The following ANK3 variants were observed in gnomAD, a reference collection of about 807,000 sequenced individuals.
ANK3 encodes the protein ankyrin-3.
A neutral mutation model predicts 370.9 loss-of-function variants in ANK3; 57 were observed. The ratio of observed to expected loss-of-function variants is 0.15; its 90% CI spans 0.12 to 0.19. The LOEUF (loss-of-function observed/expected upper bound fraction) is 0.19. Ranked by LOEUF, ANK3 falls within the 10% of genes least tolerant of loss-of-function variation. The probability of loss-of-function intolerance (pLI) is 1.00; values close to 1 mark genes in which losing one functional copy is unlikely to be tolerated. For missense variants in ANK3, 4,439 were observed against 5,302.1 expected (o/e 0.84, Z 5.06); for synonymous variants, 1,929 against 1,946.3 (o/e 0.99, Z 0.23).
chr10:60,506,008 T>A (rs2075930236), intron 2 of ANK3, among the ~76,000 whole-genome samples: 1 of 152,034 alleles, frequency 6.6e-6, no homozygotes, highest in Admixed American at 6.6e-5. Flanking sequence ...CTCCACCCAA[T>A]TAAGTATTCA....
At chr10:60,033,870 AAAC>A (rs759614831) in intron 43 of ANK3, among the ~76,000 whole-genome samples, 8 of 152,280 alleles carry the variant, frequency 5.3e-5, no homozygotes, top group East Asian at 1.9e-4. Context: ...GGGAAGATTA[AAAC>A]AACAACAATA....
At chr10:60,460,237 G>A (rs1178672846) in intron 2 of ANK3, among the ~76,000 whole-genome samples, 1 of 152,096 alleles carries the variant, frequency 6.6e-6, no homozygotes, top group Non-Finnish European at 1.5e-5. Context: ...TTGCCGTCAG[G>A]AGCAAACCCT....
intron 1 of ANK3, among the ~76,000 whole-genome samples, chr10:60,315,896 G>C (rs1039751752): frequency 6.6e-6 from 1 of 152,124 alleles, no homozygotes; most frequent in African/African-American, 2.4e-5. Context: ...GAGCGATAAG[G>C]TGATAATTCA....
At chr10:60,515,081 A>G (rs2076184981) in intron 2 of ANK3, among the ~76,000 whole-genome samples, 1 of 152,194 alleles carries the variant, frequency 6.6e-6, no homozygotes, top group African/African-American at 2.4e-5. Context: ...AATAATATGT[A>G]GGAATACTAG....
chr10:60,291,473 G>A (rs574985807), intron 1 of ANK3, among the ~76,000 whole-genome samples: 19 of 152,136 alleles, frequency 1.2e-4, no homozygotes, highest in African/African-American at 3.9e-4. Context: ...AAGTCACTAC[G>A]CTGTATTAGG....
In ANK3 at chr10:60,074,084, C is replaced by A; in HGVS notation, c.6797G>T (p.Arg2266Ile). The A allele has an allele frequency of 2.5e-6, 4 of 1,614,082 alleles. No individual in the cohort carries two copies. Among genetic ancestry groups the A allele is most frequent in the Non-Finnish European group, 3.4e-6 (4 of 1,179,984 alleles). ...SPPGGEGASE[R>I]IEETMSVHDI... ...ATGGACTGACATGGTTTCTTCAATTCTTTCAGATGCACCTTCACCGCCTGG... is the reference window on the plus strand; with the variant it reads ...ATGGACTGACATGGTTTCTTCAATTATTTCAGATGCACCTTCACCGCCTGG... Residue 2266 changes from arginine (R) to isoleucine (I), a missense_variant, in exon 37 of 44, where the codon AGA (arginine) becomes ATA (isoleucine). By Grantham distance (97) the Arg-to-Ile change is moderately conservative. Coordinates refer to ENST00000280772, the MANE Select transcript of ANK3 (RefSeq NM_020987.5).
At chr10:60,523,827 A>T (rs549749171) in intron 2 of ANK3, among the ~76,000 whole-genome samples, 2 of 152,270 alleles carry the variant, frequency 1.3e-5, no homozygotes, top group South Asian at 4.1e-4. Flanking sequence ...GCATGTGGTC[A>T]TATACACTCT....
intron 2 of ANK3, among the ~76,000 whole-genome samples, chr10:60,610,853 T>G (rs1278485643): frequency 6.6e-6 from 1 of 152,130 alleles, no homozygotes; most frequent in Non-Finnish European, 1.5e-5. Context: ...ATTGAAAAAT[T>G]AGATTTTCTC....
chr10:60,627,587 T>C (rs546039813), intron 1 of ANK3, among the ~76,000 whole-genome samples: 6 of 152,182 alleles, frequency 3.9e-5, no homozygotes, highest in Non-Finnish European at 7.4e-5. Flanking sequence ...TTACATGCAA[T>C]TTTTTAAATC....
intron 28 of ANK3, among the ~76,000 whole-genome samples, chr10:60,093,782 T>G (rs541080173): frequency 6.6e-6 from 1 of 152,104 alleles, no homozygotes; most frequent in African/African-American, 2.4e-5. Flanking sequence ...AGCAGACAAG[T>G]TGCAAGTGGA....
At chr10:60,505,999 T>C (rs1212540821) in intron 2 of ANK3, among the ~76,000 whole-genome samples, 1 of 152,040 alleles carries the variant, frequency 6.6e-6, no homozygotes, top group Non-Finnish European at 1.5e-5. Context: ...ATCAAGTTTC[T>C]CCACCCAATT....
At chr10:60,279,706 G>T (rs758664897) in intron 1 of ANK3, 67 bp from the exon 2 acceptor site, 19 of 1,175,480 alleles carry the variant, frequency 1.6e-5, no homozygotes, top group Non-Finnish European at 2.4e-5. Context: ...AAACTATCCA[G>T]CTTAAGGTCC....
intron 7 of ANK3, among the ~76,000 whole-genome samples, chr10:60,240,414 CCTGCCTCAGCCTCCCGAGTAG>C (rs2097435414): frequency 6.6e-6 from 1 of 150,680 alleles, no homozygotes; most frequent in South Asian, 2.1e-4. Flanking sequence ...AAGCAATTCT[CCTGCCTCAGCCTCCCGAGTAG>C]CTGGGATTAC....
Position 60,120,429 on chromosome 10 carries a change from C to T in ANK3, c.2842-6098G>A, listed in dbSNP as rs536704898. Among the ~76,000 whole-genome samples, 4 of 152,118 alleles carry T rather than the reference C, an allele frequency of 2.6e-5. No homozygotes were observed. The East Asian group carries it at 7.7e-4, about 29-fold the overall frequency. Reference sequence around the variant, plus strand: ...TGCAAAAATTTCTTGAGTAATACCCCACAAGCACAGGCAACCAAGGCAAAA... The same window carrying T: ...TGCAAAAATTTCTTGAGTAATACCCTACAAGCACAGGCAACCAAGGCAAAA... On this transcript the variant is annotated intron_variant, in intron 25 of 43. Transcript: ENST00000280772.
upstream of ANK3, among the ~76,000 whole-genome samples, chr10:60,391,106 C>T (rs950160388): frequency 4.6e-5 from 7 of 152,150 alleles, 1 homozygote; most frequent in South Asian, 6.2e-4. Flanking sequence ...ATAGTCTCTG[C>T]GAAGCAGTGA....
At chr10:60,088,824 C>T (rs1233992862) in intron 28 of ANK3, among the ~76,000 whole-genome samples, 2 of 151,976 alleles carry the variant, frequency 1.3e-5, no homozygotes, top group East Asian at 3.8e-4. Flanking sequence ...TTGGGTTTTG[C>T]AAAAATATTA....
intron 1 of ANK3, among the ~76,000 whole-genome samples, chr10:60,387,168 A>T (rs1011690235): frequency 2.0e-5 from 3 of 152,174 alleles, no homozygotes; most frequent in Non-Finnish European, 4.4e-5. Context: ...CTCAAAAAAA[A>T]AAAAATCCTA....
chr10:60,362,460 A>G (rs1386350811), intron 1 of ANK3, among the ~76,000 whole-genome samples: 3 of 152,186 alleles, frequency 2.0e-5, no homozygotes, highest in Non-Finnish European at 4.4e-5. Context: ...AATGGCTATC[A>G]CTATTTAAAA....
chr10:60,259,159 T>A (rs987764815), intron 7 of ANK3, among the ~76,000 whole-genome samples: 4 of 152,216 alleles, frequency 2.6e-5, no homozygotes, highest in African/African-American at 4.8e-5. Flanking sequence ...TGCTAGATTA[T>A]TATACAACAA....
Sources: gnomAD v4.1 joint callset for allele counts (sites outside exome capture counted in the v4.1 genomes callset) on GRCh38, gnomAD v4.1.1 for gene constraint, MANE v1.5 for transcripts, NCBI Gene and HGNC (gene_info 2026-07-23, HGNC 2026-07-21) for gene names.